METTL16: variants seen among roughly 807,000 people sequenced by gnomAD.
METTL16 encodes RNA N(6)-adenosine-methyltransferase METTL16.
In METTL16, 19 loss-of-function variants were observed where a neutral mutation model predicts 57.9. The ratio of observed to expected loss-of-function variants is 0.33; its 90% CI spans 0.23 to 0.48. METTL16 has a LOEUF of 0.48. Ranked by LOEUF, METTL16 falls within the 20% of genes least tolerant of loss-of-function variation. METTL16 has a pLI of 0.99. For missense variants in METTL16, 434 were observed against 691.5 expected (o/e 0.63, Z 4.18); for synonymous variants, 246 against 255.6 (o/e 0.96, Z 0.36).
At chr17:2,475,227 G>A (rs1451069933) in intron 3 of METTL16, 2 of 152,158 alleles carry the variant, frequency 1.3e-5, no homozygotes, top group African/African-American at 2.4e-5. Context: ...CACGGTGAAC[G>A]CTGCATTGCC....
intron 8 of METTL16, among the ~76,000 whole-genome samples, chr17:2,430,975 C>T (rs746463260): frequency 5.9e-5 from 9 of 151,752 alleles, no homozygotes; most frequent in African/African-American, 9.7e-5. Context: ...GACAGAGTCT[C>T]GCTCTTGTTG....
chr17:2,460,517 A>C (rs1226372374), intron 6 of METTL16, among the ~76,000 whole-genome samples: 1 of 152,204 alleles, frequency 6.6e-6, no homozygotes, highest in African/African-American at 2.4e-5. Context: ...TCCTAAAAAC[A>C]ACCCCATTAT....
intron 4 of METTL16, among the ~76,000 whole-genome samples, chr17:2,472,281 C>T (rs187757690): frequency 2.0e-4 from 31 of 152,140 alleles, no homozygotes; most frequent in Admixed American, 7.2e-4. Context: ...TCCAGAACAC[C>T]GACAGCACCC....
intron 8 of METTL16, chr17:2,424,155 C>G (rs1031870801): frequency 4.0e-5 from 6 of 150,198 alleles, no homozygotes; most frequent in Non-Finnish European, 5.9e-5. Context: ...GCTCTGTCGC[C>G]CAGGCTGGAG....
At chr17:2,491,876 C>CAAAA (rs1171788438) in intron 2 of METTL16, among the ~76,000 whole-genome samples, 25 of 53,538 alleles carry the variant, frequency 4.7e-4, no homozygotes, top group African/African-American at 1.2e-3. Context: ...CACCGTCTCA[C>CAAAA]AAAAAAAAAA....
chr17:2,438,319 C>T (rs1021062608), intron 7 of METTL16, 121 bp from the exon 8 acceptor site: 3 of 712,056 alleles, frequency 4.2e-6, no homozygotes, highest in Non-Finnish European at 7.7e-6. Context: ...AACAATATTA[C>T]CAAACAACAG....
At chr17:2,465,063 A>G (rs940532569) in intron 5 of METTL16, among the ~76,000 whole-genome samples, 1 of 152,222 alleles carries the variant, frequency 6.6e-6, no homozygotes. Context: ...TTACAACTTA[A>G]TAATAAAAAC....
At chr17:2,441,990 T>C (rs951856219) in intron 6 of METTL16, among the ~76,000 whole-genome samples, 2 of 152,204 alleles carry the variant, frequency 1.3e-5, no homozygotes, top group Non-Finnish European at 1.5e-5. Context: ...GCACGTAATT[T>C]AAGGATAGAT....
intron 6 of METTL16, among the ~76,000 whole-genome samples, chr17:2,446,740 T>C (rs1233648700): frequency 3.3e-5 from 5 of 151,590 alleles, no homozygotes; most frequent in Non-Finnish European, 7.4e-5. Context: ...CTGCTACGCC[T>C]CACTGGTTCT....
In METTL16 at chr17:2,420,182, A is replaced by T; in HGVS notation, c.1477T>A (p.Ser493Thr). ...GCCACTGGGCTGCCGAACTGCTCAG[A>T]AGCCTCTTGGTCCTGGGCTCCGTTG... ...SSNGAQDQEA[S>T]EQFGSPVAER... The change falls in exon 10 of 10, where the codon TCT becomes ACT. Residue 493 changes from serine to threonine, a missense_variant. By Grantham distance (58) the Ser-to-Thr change is moderately conservative (BLOSUM62 1). Around this residue, in one of 5 missense-constraint regions of METTL16, gnomAD observed 168 missense variants for 149.6 expected, o/e 1.12. Transcript: ENST00000263092. The surrounding 1 kb of genome is among the most constrained non-coding windows in gnomAD (Gnocchi z 5.4). 1.2e-6 allele frequency: 2 copies of T among 1,614,190 alleles called. No individual in the cohort carries two copies. The highest frequency in any genetic ancestry group is 1.7e-6 in the Non-Finnish European group (2 of 1,180,030).
intron 2 of METTL16, among the ~76,000 whole-genome samples, chr17:2,482,861 A>G (rs779211177): frequency 2.0e-5 from 3 of 152,176 alleles, no homozygotes; most frequent in Non-Finnish European, 4.4e-5. Context: ...CAGTGAGCCA[A>G]GATCCCATCA....
intron 8 of METTL16, among the ~76,000 whole-genome samples, chr17:2,432,172 G>T (rs545911510): frequency 6.6e-6 from 1 of 152,130 alleles, no homozygotes; most frequent in Non-Finnish European, 1.5e-5. Flanking sequence ...GGATGGTCTC[G>T]ATCTCCTGAC....
chr17:2,507,101 C>T (rs569340598), intron 1 of METTL16, among the ~76,000 whole-genome samples: 5 of 151,238 alleles, frequency 3.3e-5, no homozygotes, highest in South Asian at 2.1e-4. Context: ...CCTGGCCAGC[C>T]GCCCCGTCCA....
At chr17:2,467,155 G>A (rs1253404336) in intron 5 of METTL16, among the ~76,000 whole-genome samples, 3 of 152,064 alleles carry the variant, frequency 2.0e-5, no homozygotes, top group Non-Finnish European at 4.4e-5. Context: ...GGAACCCACA[G>A]GTGTAGGACC....
At chr17:2,437,630 C>T (rs1321056233) in intron 8 of METTL16, among the ~76,000 whole-genome samples, 3 of 152,194 alleles carry the variant, frequency 2.0e-5, no homozygotes, top group Admixed American at 1.3e-4. Context: ...CAGCTCACCG[C>T]AACCTCCGCC....
chr17:2,427,975 G>A (rs1317675089), intron 8 of METTL16, among the ~76,000 whole-genome samples: 3 of 149,844 alleles, frequency 2.0e-5, no homozygotes, highest in African/African-American at 4.9e-5. Context: ...AAATTAGCTG[G>A]ATGTGGTGGC....
chr17:2,420,847 C>G lies in METTL16; in HGVS notation c.946G>C (p.Val316Leu), dbSNP rs748178980. Residue 316 changes from valine to leucine, a missense_variant, in exon 9 of 10, where the codon GTG (valine) becomes CTG (leucine). Val to Leu is a conservative substitution (Grantham distance 32, BLOSUM62 1). This residue lies in a region of METTL16 where 96 missense variants were observed against 138.3 expected (regional missense o/e 0.69). Transcript: ENST00000263092. The surrounding 1 kb of genome is among the most constrained non-coding windows in gnomAD (Gnocchi z 5.4). Reference sequence around the variant, plus strand: ...AATTCCTTCATCACGGACGCCAGCACCACGAATGTTATGGGTTTTCTCGGT... The same window carrying G: ...AATTCCTTCATCACGGACGCCAGCAGCACGAATGTTATGGGTTTTCTCGGT... ...EKPRKPITFV[V>L]LASVMKELSL... is the part of the protein sequence containing the mutation. 1 of 1,614,142 alleles carries G rather than the reference C, an allele frequency of 6.2e-7. No homozygotes were observed. The highest frequency in any genetic ancestry group is 8.5e-7 in the Non-Finnish European group (1 of 1,180,034).
chr17:2,466,194 A>AC (rs1491123858), intron 5 of METTL16, among the ~76,000 whole-genome samples: 2 of 64,128 alleles, frequency 3.1e-5, no homozygotes, highest in Admixed American at 1.5e-4. Flanking sequence ...ACTCTGTCAC[A>AC]AAAAAAAAAA....
intron 6 of METTL16, among the ~76,000 whole-genome samples, chr17:2,454,784 G>T (rs1184638541): frequency 6.6e-6 from 1 of 151,644 alleles, no homozygotes; most frequent in East Asian, 1.9e-4. Context: ...GGCTGATCTT[G>T]AACTCCCGAC....
Sources: gnomAD v4.1 joint callset for allele counts (sites outside exome capture counted in the v4.1 genomes callset) on GRCh38, gnomAD v4.1.1 for gene constraint, gnomAD v4.1.1 regional missense constraint, Gnocchi (gnomAD v3.1) non-coding constraint, MANE v1.5 for transcripts, NCBI Gene and HGNC (gene_info 2026-07-23, HGNC 2026-07-21) for gene names.